Variants in CCDC198 observed in about 807,000 individuals in gnomAD.
CCDC198 encodes the protein coiled-coil domain containing 198.
In CCDC198, 18 loss-of-function variants were observed where a neutral mutation model predicts 35.6. The observed-to-expected ratio is 0.51, with a 90% CI of 0.35 to 0.75. The LOEUF (loss-of-function observed/expected upper bound fraction) is 0.75. CCDC198 is among the 30% of genes least tolerant of loss of function. The pLI, the probability that CCDC198 is intolerant of heterozygous loss-of-function variation, is 0.01. For missense variants in CCDC198, 365 were observed against 343.7 expected (o/e 1.06, Z -0.49); for synonymous variants, 119 against 113.4 (o/e 1.05, Z -0.31).
At chr14:57,481,332 A>T (rs1171932837) in intron 4 of CCDC198, among the ~76,000 whole-genome samples, 1 of 152,198 alleles carries the variant, frequency 6.6e-6, no homozygotes, top group Non-Finnish European at 1.5e-5. Context: ...AAAAATGGAG[A>T]CTTGCGACAC....
At chr14:57,487,057 T>C (rs1353072955) in intron 2 of CCDC198, among the ~76,000 whole-genome samples, 1 of 152,186 alleles carries the variant, frequency 6.6e-6, no homozygotes, top group Admixed American at 6.5e-5. Context: ...TTCTGCTAAA[T>C]TAACCAGTCA....
intron 2 of CCDC198, 184 bp from the exon 3 acceptor site, chr14:57,483,335 G>T: frequency 1.2e-6 from 1 of 827,954 alleles, no homozygotes; most frequent in Admixed American, 2.8e-5. Flanking sequence ...AACCTATCTG[G>T]GTTCTTTATT....
intron 1 of CCDC198, among the ~76,000 whole-genome samples, 170 bp downstream of exon 1, chr14:57,493,323 C>T (rs1483163383): frequency 6.6e-6 from 1 of 152,136 alleles, no homozygotes; most frequent in South Asian, 2.1e-4. Context: ...AGAATACTTT[C>T]AACTGATGTT....
chr14:57,471,342 A>G lies in CCDC198; in HGVS notation c.*13T>C. 6.3e-7 allele frequency: 1 copy of G among 1,588,114 alleles called. No homozygotes were observed. Among genetic ancestry groups the G allele is most frequent in the Non-Finnish European group, 8.6e-7 (1 of 1,159,338 alleles). ...TTCAAAGCACTCAGTTTCTAGGTTA[A>G]TGAATAGTATTCTTATTCTTGATCA... On this transcript the variant is annotated 3_prime_UTR_variant, in exon 6 of 6. Coordinates refer to ENST00000216445, the MANE Select transcript of CCDC198 (RefSeq NM_018168.4).
At chr14:57,476,319 G>T (rs544169166) in intron 5 of CCDC198, among the ~76,000 whole-genome samples, 54 of 152,192 alleles carry the variant, frequency 3.5e-4, no homozygotes, top group African/African-American at 1.2e-3. Flanking sequence ...GCTATCATGT[G>T]TCAGGTACTA....
At chr14:57,492,689 A>C (rs896091875) in intron 1 of CCDC198, among the ~76,000 whole-genome samples, 7 of 152,098 alleles carry the variant, frequency 4.6e-5, no homozygotes, top group African/African-American at 1.7e-4. Flanking sequence ...AGAGAATGTG[A>C]GGCTTTCTGA....
chr14:57,493,643 T>G lies in CCDC198; in HGVS notation c.73A>C (p.Thr25Pro). ...AAGTCCACACGGCCAGCCGAGGGAG[T>G]CTCTACCTCTTTGTTTTGCAAAGGT... ...VAPLQNKEVETPSAGRVDFAF... is the reference protein window; with the variant it reads ...VAPLQNKEVEPPSAGRVDFAF... The change falls in exon 1 of 6, where the codon ACT (threonine) becomes CCT (proline). Residue 25 changes from threonine (T) to proline (P), a missense_variant. Transcript: ENST00000216445. 3.1e-6 allele frequency: 5 copies of G among 1,613,766 alleles called. No homozygotes were observed. Among genetic ancestry groups the G allele is most frequent in the Non-Finnish European group, 4.2e-6 (5 of 1,179,886 alleles).
intron 2 of CCDC198, among the ~76,000 whole-genome samples, chr14:57,484,264 C>T (rs2139523671): frequency 6.6e-6 from 1 of 152,252 alleles, no homozygotes; most frequent in Non-Finnish European, 1.5e-5. Flanking sequence ...GCCCCTAATT[C>T]AATATGATAA....
chr14:57,477,127 A>G lies in CCDC198; in HGVS notation c.655+3468T>C, dbSNP rs960845847. Among the ~76,000 whole-genome samples the G allele has an allele frequency of 9.2e-5, 14 of 152,226 alleles. 1 individual carries two copies. On this transcript the variant is annotated intron_variant, in intron 5 of 5. Transcript: ENST00000216445. Reference sequence around the variant, plus strand: ...ATTTTCACCTTGTAGAGTTAATATGAAGATTAAATGCTGCATTTAAAATTC... The same window carrying G: ...ATTTTCACCTTGTAGAGTTAATATGGAGATTAAATGCTGCATTTAAAATTC...
chr14:57,480,814 A>G lies in CCDC198; in HGVS notation c.496-60T>C, dbSNP rs868133074. 6 of 1,558,264 alleles carry G rather than the reference A, an allele frequency of 3.9e-6. 1 individual carries two copies. The highest frequency in any genetic ancestry group is 3.4e-4 in the Middle Eastern group (2 of 5,890). On this transcript the variant is annotated intron_variant, in intron 4 of 5. Coordinates refer to ENST00000216445, the MANE Select transcript of CCDC198 (RefSeq NM_018168.4). Reference sequence around the variant, plus strand: ...TCCCAAGCTACTTTCACCAGACTAGATCAACAGATCAGCCACTTTGCAAGT... The same window carrying G: ...TCCCAAGCTACTTTCACCAGACTAGGTCAACAGATCAGCCACTTTGCAAGT...
At chr14:57,484,148 A>G (rs1370143820) in intron 2 of CCDC198, among the ~76,000 whole-genome samples, 1 of 152,244 alleles carries the variant, frequency 6.6e-6, no homozygotes, top group East Asian at 1.9e-4. Flanking sequence ...CACAAAATTC[A>G]TATGTTGAAG....
chr14:57,481,125 T>C (rs2067168449), intron 4 of CCDC198, among the ~76,000 whole-genome samples: 1 of 152,172 alleles, frequency 6.6e-6, no homozygotes, highest in Non-Finnish European at 1.5e-5. Context: ...TAAAGGGTTT[T>C]TTTGTTTGTT....
At chr14:57,483,622 C>T (rs566939570) in intron 2 of CCDC198, among the ~76,000 whole-genome samples, 25 of 152,312 alleles carry the variant, frequency 1.6e-4, no homozygotes, top group African/African-American at 6.0e-4. Flanking sequence ...TTATGAGACA[C>T]ATTTAAAATG....
intron 1 of CCDC198, 77 bp downstream of exon 1, chr14:57,493,416 T>C (rs2067643860): frequency 2.4e-6 from 3 of 1,251,426 alleles, no homozygotes; most frequent in East Asian, 2.3e-5. Context: ...TCTGAGATCA[T>C]GGAGACAGTC....
intron 5 of CCDC198, among the ~76,000 whole-genome samples, chr14:57,475,960 C>G (rs2066983095): frequency 6.6e-6 from 1 of 151,612 alleles, no homozygotes; most frequent in Non-Finnish European, 1.5e-5. Context: ...TGCCACCACT[C>G]CTGGCTAATT....
intron 1 of CCDC198, among the ~76,000 whole-genome samples, chr14:57,491,507 A>C (rs1429800653): frequency 6.6e-6 from 1 of 151,994 alleles, no homozygotes; most frequent in Non-Finnish European, 1.5e-5. Context: ...AATAGATGAT[A>C]GATAGATAGG....
intron 2 of CCDC198, among the ~76,000 whole-genome samples, chr14:57,490,557 A>G (rs934767235): frequency 3.3e-5 from 5 of 152,190 alleles, no homozygotes; most frequent in Admixed American, 2.0e-4. Flanking sequence ...ACTAGCATGT[A>G]TAAAACAAAG....
At position 57,493,550 on chromosome 14, in the gene CCDC198, CT is replaced by C; in HGVS notation, c.165del (p.Ala56ProfsTer57). On this transcript the variant is annotated frameshift_variant, in exon 1 of 6. Transcript: ENST00000216445. LOFTEE classifies it high-confidence loss of function. Reference sequence around the variant, plus strand: ...AAAGGTGGCAGCTGCCCTTCCAAGGCTTTATTCTGGTCCTGCAGTCTTGCCA... The same window carrying C: ...AAAGGTGGCAGCTGCCCTTCCAAGGCTTATTCTGGTCCTGCAGTCTTGCCA... ...YSLARLQDQN[K>X]ALEGQLPPLQ... 1 of 1,613,964 alleles carries C rather than the reference CT, an allele frequency of 6.2e-7. No homozygotes were observed. Among genetic ancestry groups the C allele is most frequent in the South Asian group, 1.1e-5 (1 of 91,080 alleles).
chr14:57,488,698 C>G (rs2067455004), intron 2 of CCDC198, among the ~76,000 whole-genome samples: 1 of 152,052 alleles, frequency 6.6e-6, no homozygotes, highest in African/African-American at 2.4e-5. Context: ...CAAACAACCC[C>G]ATTAAAAAGT....
Sources: gnomAD v4.1 joint callset for allele counts (sites outside exome capture counted in the v4.1 genomes callset) on GRCh38, gnomAD v4.1.1 for gene constraint, MANE v1.5 for transcripts, NCBI Gene and HGNC (gene_info 2026-07-23, HGNC 2026-07-21) for gene names.